Variants in KIT observed in about 807,000 individuals in gnomAD.
The protein encoded by KIT is mast/stem cell growth factor receptor Kit.
In KIT, 16 loss-of-function variants were observed where a neutral mutation model predicts 105.7. The ratio of observed to expected loss-of-function variants is 0.15; its 90% CI spans 0.10 to 0.23. KIT has a LOEUF of 0.23. Among genes scored for constraint, KIT ranks in the 10% least tolerant of loss-of-function variants. The probability of loss-of-function intolerance (pLI) is 1.00; values close to 1 mark genes in which losing one functional copy is unlikely to be tolerated. For synonymous variants in KIT, 438 were observed against 441.1 expected, an observed-to-expected ratio of 0.99 and a Z score of 0.09; for missense variants, 858 against 1,213.8, an observed-to-expected ratio of 0.71 and a Z score of 4.36.
At chr4:54,718,012 T>G (rs1306530516) in intron 7 of KIT, among the ~76,000 whole-genome samples, 2 of 152,192 alleles carry the variant, frequency 1.3e-5, no homozygotes, top group African/African-American at 4.8e-5. Context: ...ATCTCGTGAT[T>G]GGGATATCTT....
rs1278632750 is a variant in KIT, at chr4:54,731,872, C to T, written c.2235C>T (p.Gly745=). 1 of 1,613,248 alleles carries T rather than the reference C, an allele frequency of 6.2e-7. No homozygotes were observed. Among genetic ancestry groups the T allele is most frequent in the East Asian group, 2.2e-5 (1 of 44,854 alleles). Residue 745 remains glycine, a splice_region_variant and synonymous_variant, in exon 16 of 21, where the codon GGC becomes GGT. Transcript: ENST00000288135. ...AGAAAAATCCTCTCTTCCTCACAGG[C>T]TCATACATAGAAAGAGATGTGACTC... ...KADKRRSVRI[G]SYIERDVTPA...
chr4:54,697,115 G>A (rs1269315333), intron 2 of KIT, among the ~76,000 whole-genome samples: 1 of 152,134 alleles, frequency 6.6e-6, no homozygotes, highest in Admixed American at 6.5e-5. Flanking sequence ...AGGAAGGTGG[G>A]GCATCATTGT....
At chr4:54,709,684 G>A (rs1721016539) in intron 7 of KIT, 145 bp downstream of exon 7, 1 of 698,812 alleles carries the variant, frequency 1.4e-6, no homozygotes, top group East Asian at 2.7e-5. Context: ...TCGTGGTTTG[G>A]TGGTTAGAGT....
intron 20 of KIT, among the ~76,000 whole-genome samples, chr4:54,737,767 T>C (rs1723012268): frequency 1.3e-5 from 2 of 152,164 alleles, no homozygotes; most frequent in Non-Finnish European, 2.9e-5. Flanking sequence ...CCATATAGAA[T>C]GAAGAGCTGT....
At chr4:54,678,981 G>C (rs1188286337) in intron 1 of KIT, among the ~76,000 whole-genome samples, 3 of 151,704 alleles carry the variant, frequency 2.0e-5, no homozygotes, top group Non-Finnish European at 4.4e-5. Flanking sequence ...CTCACTGAAG[G>C]AGACAGCCTT....
At chr4:54,711,036 C>A (rs944880805) in intron 7 of KIT, among the ~76,000 whole-genome samples, 1 of 152,142 alleles carries the variant, frequency 6.6e-6, no homozygotes, top group African/African-American at 2.4e-5. Flanking sequence ...TGCACCACCA[C>A]GCACAGCTAA....
At chr4:54,672,061 T>C (rs148340831) in intron 1 of KIT, among the ~76,000 whole-genome samples, 1 of 152,286 alleles carries the variant, frequency 6.6e-6, no homozygotes, top group Admixed American at 6.5e-5. Context: ...CTATTGAAGA[T>C]ACATAAAAAT....
rs999859418 is a variant in KIT at position 54,678,331 on chromosome 4, T to C, written c.68-17181T>C. On this transcript the variant is annotated intron_variant, in intron 1 of 20. Transcript: ENST00000288135. ...TTCCTTCCTTCCTTCCTTCCTTCCT[T>C]CCTTCCTTCCTTCCTTCCTTCCCTC... 7.0e-5 allele frequency among the ~76,000 whole-genome samples: 7 copies of C among 99,680 alleles called. 1 individual carries two copies. The highest frequency in any genetic ancestry group is 1.4e-4 in the Non-Finnish European group (7 of 49,954). The allele number at this position is 99,680 out of a possible 152,430, so 65.4% of individuals were successfully genotyped here. A position where few individuals can be genotyped will look rare whatever the true frequency, so the allele number is the denominator to read the frequency against.
At chr4:54,729,640 GA>G (rs894263558) in intron 14 of KIT, among the ~76,000 whole-genome samples, 155 bp downstream of exon 14, 89 of 152,278 alleles carry the variant, frequency 5.8e-4, no homozygotes, top group African/African-American at 1.9e-3. Context: ...TAACAGTTTA[GA>G]AAGTTAAATT....
intron 4 of KIT, among the ~76,000 whole-genome samples, chr4:54,703,017 A>G (rs1332023172): frequency 6.6e-6 from 1 of 152,144 alleles, no homozygotes; most frequent in South Asian, 2.1e-4. Flanking sequence ...AGCTTATGTT[A>G]TGGTTTCCCC....
At chr4:54,676,113 A>C (rs1277588737) in intron 1 of KIT, among the ~76,000 whole-genome samples, 1 of 152,168 alleles carries the variant, frequency 6.6e-6, no homozygotes, top group Non-Finnish European at 1.5e-5. Context: ...CAAGATACAG[A>C]TCCTGGTAAA....
intron 14 of KIT, among the ~76,000 whole-genome samples, chr4:54,731,108 A>C (rs952022623): frequency 2.0e-5 from 3 of 152,178 alleles, no homozygotes; most frequent in Non-Finnish European, 4.4e-5. Flanking sequence ...ATACACAAAA[A>C]GGACACCTAG....
intron 5 of KIT, among the ~76,000 whole-genome samples, chr4:54,706,098 G>T: frequency 6.6e-6 from 1 of 150,846 alleles, no homozygotes; most frequent in African/African-American, 2.4e-5. Flanking sequence ...TTTCTATTTT[G>T]CCATTTTATA....
intron 1 of KIT, among the ~76,000 whole-genome samples, chr4:54,663,505 C>T (rs907302849): frequency 6.6e-6 from 1 of 151,748 alleles, no homozygotes; most frequent in African/African-American, 2.4e-5. Flanking sequence ...AACGTGTAAA[C>T]AGAATATGTA....
chr4:54,664,892 T>G (rs1041068732), intron 1 of KIT, among the ~76,000 whole-genome samples: 1 of 150,590 alleles, frequency 6.6e-6, no homozygotes, highest in Non-Finnish European at 1.5e-5. Flanking sequence ...CTGGCCTGTT[T>G]TTTTTTTTTT....
chr4:54,690,445 A>G (rs1014411017), intron 1 of KIT, among the ~76,000 whole-genome samples: 2 of 152,234 alleles, frequency 1.3e-5, no homozygotes, highest in Admixed American at 1.3e-4. Flanking sequence ...AGTAGCTGGG[A>G]TAAGTATTTA....
chr4:54,662,141 G>A (rs74434226), intron 1 of KIT, among the ~76,000 whole-genome samples: 4,087 of 152,150 alleles, frequency 0.027, 69 homozygotes, highest in South Asian at 0.1. Flanking sequence ...GGTTGCATTA[G>A]GCTCTAGGGC....
Position 54,705,093 on chromosome 4 carries a change from A to C in KIT, c.925+1201A>C, listed in dbSNP as rs561092162. On this transcript the variant is annotated intron_variant, in intron 5 of 20. Coordinates refer to ENST00000288135, the MANE Select transcript of KIT (RefSeq NM_000222.3). ...GAAGGCTATGCTTTTAAAATATTAA[A>C]CTCCATAAGCACTAATTTGCTAAGT... Among the ~76,000 whole-genome samples, 126 of 152,318 alleles carry C rather than the reference A, an allele frequency of 8.3e-4. 1 individual carries two copies. Among genetic ancestry groups the C allele is most frequent in the African/African-American group, 2.7e-3 (112 of 41,564 alleles).
intron 6 of KIT, among the ~76,000 whole-genome samples, chr4:54,708,148 T>TGA (rs1720909265): frequency 6.6e-6 from 1 of 151,988 alleles, no homozygotes; most frequent in Non-Finnish European, 1.5e-5. Flanking sequence ...GGTTGGGTGG[T>TGA]GAGAGACCAT....
Sources: gnomAD v4.1 joint callset for allele counts (sites outside exome capture counted in the v4.1 genomes callset) on GRCh38, gnomAD v4.1.1 for gene constraint, MANE v1.5 for transcripts, NCBI Gene and HGNC (gene_info 2026-07-23, HGNC 2026-07-21) for gene names.